The following BRINP1 variants were observed in gnomAD, a reference collection of about 807,000 sequenced individuals.
BRINP1 encodes BMP/retinoic acid inducible neural specific 1, also known as BMP/retinoic acid-inducible neural-specific protein 1.
A neutral mutation model predicts 72.9 loss-of-function variants in BRINP1; 17 were observed. That is an observed-to-expected ratio of 0.23 (90% confidence interval 0.16 to 0.35). The LOEUF is 0.35. Ranked by LOEUF, BRINP1 falls within the 10% of genes least tolerant of loss-of-function variation. BRINP1 has a pLI of 1.00. For synonymous variants in BRINP1, 418 were observed against 378.5 expected (o/e 1.10, Z -1.21); for missense variants, 850 against 1,001.6 (o/e 0.85, Z 2.04).
intron 5 of BRINP1, among the ~76,000 whole-genome samples, chr9:119,235,323 C>G (rs1221460293): frequency 6.6e-6 from 1 of 152,186 alleles, no homozygotes; most frequent in African/African-American, 2.4e-5. Flanking sequence ...GTCTTTCTCA[C>G]CATTGATGTC....
chr9:119,184,888 A>G (rs1829599169), intron 7 of BRINP1, among the ~76,000 whole-genome samples: 1 of 152,170 alleles, frequency 6.6e-6, no homozygotes, highest in South Asian at 2.1e-4. Context: ...GGCCTATAAC[A>G]TCTTACCTGG....
At chr9:119,350,616 AT>A (rs535173588) in intron 1 of BRINP1, among the ~76,000 whole-genome samples, 85 of 152,136 alleles carry the variant, frequency 5.6e-4, no homozygotes, top group African/African-American at 2.0e-3. Context: ...AGAAATACAC[AT>A]TAAAAAAAAA....
chr9:119,188,352 A>T (rs1829646792), intron 7 of BRINP1, among the ~76,000 whole-genome samples: 1 of 152,232 alleles, frequency 6.6e-6, no homozygotes, highest in Admixed American at 6.5e-5. Flanking sequence ...TGAAAGAAAA[A>T]ATAAAAAAAA....
At chr9:119,363,088 C>T (rs930373466) in intron 1 of BRINP1, among the ~76,000 whole-genome samples, 5 of 152,124 alleles carry the variant, frequency 3.3e-5, no homozygotes, top group African/African-American at 1.2e-4. Context: ...GAAATGACTC[C>T]GTGGCTTGTT....
At chr9:119,191,147 G>A (rs1829679763) in intron 7 of BRINP1, among the ~76,000 whole-genome samples, 4 of 151,608 alleles carry the variant, frequency 2.6e-5, no homozygotes, top group African/African-American at 9.7e-5. Context: ...TATAATAAAG[G>A]GTATTTATGA....
At chr9:119,353,821 A>C (rs1243833550) in intron 1 of BRINP1, among the ~76,000 whole-genome samples, 13 of 58,488 alleles carry the variant, frequency 2.2e-4, no homozygotes, top group Admixed American at 2.1e-3. Flanking sequence ...TGTTTTGAGC[A>C]CTTTTTTTTT....
intron 2 of BRINP1, among the ~76,000 whole-genome samples, chr9:119,292,282 G>C (rs1830828557): frequency 6.6e-6 from 1 of 152,188 alleles, no homozygotes; most frequent in South Asian, 2.1e-4. Flanking sequence ...CTCTGCTCAA[G>C]TTGACTGCTT....
chr9:119,209,525 C>T (rs975120501), intron 6 of BRINP1, among the ~76,000 whole-genome samples: 5 of 151,578 alleles, frequency 3.3e-5, no homozygotes, highest in African/African-American at 1.2e-4. Flanking sequence ...TGAGACTGCA[C>T]CACTGCACTC....
At chr9:119,248,207 G>A (rs1384932313) in intron 3 of BRINP1, among the ~76,000 whole-genome samples, 2 of 152,172 alleles carry the variant, frequency 1.3e-5, no homozygotes, top group African/African-American at 2.4e-5. Context: ...TGCAGCCGGC[G>A]ACTTTGTGAG....
In BRINP1 at chr9:119,168,068, G is replaced by A; in HGVS notation, c.1302C>T (p.Asn434=). The change falls in exon 8 of 8, where the codon AAC becomes AAT. Residue 434 remains asparagine, a synonymous_variant. Transcript: ENST00000265922. ...RPIPCVIGGN[N]SCAMCSLANI... Reference sequence around the variant, plus strand: ...TGGCCAGGCTGCACATGGCGCAGCTGTTGTTCCCGCCTATCACGCAGGGGA... The same window carrying A: ...TGGCCAGGCTGCACATGGCGCAGCTATTGTTCCCGCCTATCACGCAGGGGA... The A allele has an allele frequency of 1.2e-6, 2 of 1,609,764 alleles. No individual in the cohort carries two copies. The highest frequency in any genetic ancestry group is 1.7e-6 in the Non-Finnish European group (2 of 1,177,386).
intron 5 of BRINP1, among the ~76,000 whole-genome samples, chr9:119,231,393 G>A (rs1195165332): frequency 1.3e-5 from 2 of 151,974 alleles, no homozygotes; most frequent in African/African-American, 4.8e-5. Flanking sequence ...CATTTTTGCA[G>A]TATCAATTTT....
At chr9:119,256,384 A>G (rs1830449043) in intron 2 of BRINP1, among the ~76,000 whole-genome samples, 1 of 152,214 alleles carries the variant, frequency 6.6e-6, no homozygotes, top group Non-Finnish European at 1.5e-5. Flanking sequence ...ATAAAACTTT[A>G]GGGAAAGGTG....
intron 2 of BRINP1, among the ~76,000 whole-genome samples, chr9:119,271,401 T>C (rs2118951570): frequency 6.6e-6 from 1 of 152,058 alleles, no homozygotes; most frequent in Non-Finnish European, 1.5e-5. Context: ...TTTTAGAGAA[T>C]ATTGAGGATA....
rs11412075 is a variant in BRINP1 at position 119,209,575 on chromosome 9, TAAA to T, written c.923-637_923-635del. Among the ~76,000 whole-genome samples the T allele has an allele frequency of 4.2e-5, 6 of 142,420 alleles. No homozygotes were observed. In the East Asian group the frequency reaches 1.2e-3, roughly 28 times the overall value. The allele number at this position is 142,420 out of a possible 152,430, so 93.4% of individuals were successfully genotyped here. A position where few individuals can be genotyped will look rare whatever the true frequency, so the allele number is the denominator to read the frequency against. ...GAGCAAGACTCTGTCTCAAAAAAAT[TAAA>T]AAAAAAAGGAAAACAAAATGTTTAT... On this transcript the variant is annotated intron_variant, in intron 6 of 7. Coordinates refer to ENST00000265922, the MANE Select transcript of BRINP1 (RefSeq NM_014618.3).
At chr9:119,277,981 A>G (rs554711088) in intron 2 of BRINP1, among the ~76,000 whole-genome samples, 3 of 152,274 alleles carry the variant, frequency 2.0e-5, no homozygotes, top group Admixed American at 2.0e-4. Context: ...TTCTTTATCT[A>G]TACTGAATCA....
chr9:119,243,585 G>A (rs1830281577), intron 3 of BRINP1, among the ~76,000 whole-genome samples: 1 of 151,974 alleles, frequency 6.6e-6, no homozygotes, highest in African/African-American at 2.4e-5. Flanking sequence ...GGGATTGCTG[G>A]GACAAATGGT....
At chr9:119,194,968 C>A (rs1404436409) in intron 7 of BRINP1, among the ~76,000 whole-genome samples, 2 of 152,102 alleles carry the variant, frequency 1.3e-5, no homozygotes, top group African/African-American at 4.8e-5. Flanking sequence ...TTATTCTGGA[C>A]AAAACACTCT....
intron 2 of BRINP1, among the ~76,000 whole-genome samples, chr9:119,298,732 C>T (rs1443868573): frequency 1.3e-5 from 2 of 152,136 alleles, no homozygotes; most frequent in Non-Finnish European, 2.9e-5. Context: ...ACCCTTCTAG[C>T]TTTGACATAG....
intron 7 of BRINP1, 86 bp from the exon 8 acceptor site, chr9:119,168,310 A>G (rs1273051638): frequency 4.4e-6 from 5 of 1,128,508 alleles, no homozygotes; most frequent in Non-Finnish European, 4.8e-6. Flanking sequence ...TGCGAACTGG[A>G]GCTGCCAAAA....
Sources: gnomAD v4.1 joint callset for allele counts (sites outside exome capture counted in the v4.1 genomes callset) on GRCh38, gnomAD v4.1.1 for gene constraint, MANE v1.5 for transcripts, NCBI Gene and HGNC (gene_info 2026-07-23, HGNC 2026-07-21) for gene names.